PTN: variants seen among roughly 807,000 people sequenced by gnomAD.
PTN encodes the protein pleiotrophin, also known as heparin affin regulatory protein.
In PTN, 18 loss-of-function variants were observed where a neutral mutation model predicts 24.1. That is an observed-to-expected ratio of 0.75 (90% CI 0.52 to 1.11). The LOEUF is 1.11. PTN is among the 50% of genes least tolerant of loss of function. The probability of loss-of-function intolerance (pLI) is 0.00; values close to 1 mark genes in which losing one functional copy is unlikely to be tolerated. For missense variants in PTN, 163 were observed against 198.8 expected (o/e 0.82, Z 1.08); for synonymous variants, 78 against 68.6 (o/e 1.14, Z -0.67).
intron 1 of PTN, among the ~76,000 whole-genome samples, chr7:137,262,964 T>C (rs1809069062): frequency 6.6e-6 from 1 of 152,122 alleles, no homozygotes; most frequent in Admixed American, 6.5e-5. Flanking sequence ...TTTCTGAGTA[T>C]AAAACAACAT....
chr7:137,240,504 C>T (rs766012620), intron 4 of PTN, among the ~76,000 whole-genome samples: 5 of 152,048 alleles, frequency 3.3e-5, no homozygotes, highest in African/African-American at 9.7e-5. Context: ...AGCACTTGCT[C>T]GCTAAAATAT....
chr7:137,276,460 CCGGTT>C (rs1172133105), intron 1 of PTN, among the ~76,000 whole-genome samples: 4 of 152,138 alleles, frequency 2.6e-5, no homozygotes, highest in Non-Finnish European at 5.9e-5. Context: ...CTTGGAAATT[CCGGTT>C]ACCCCTGGAT....
intron 1 of PTN, among the ~76,000 whole-genome samples, chr7:137,302,635 G>T (rs938301843): frequency 6.6e-6 from 1 of 151,988 alleles, no homozygotes; most frequent in Non-Finnish European, 1.5e-5. Context: ...AGGAATGTCA[G>T]AAGTTGTCCA....
At chr7:137,322,932 T>C (rs1430509034) in intron 1 of PTN, among the ~76,000 whole-genome samples, 1 of 152,242 alleles carries the variant, frequency 6.6e-6, no homozygotes, top group East Asian at 1.9e-4. Flanking sequence ...TTTATAGCTA[T>C]TAATTTGCCT....
rs148600725 is a variant in PTN at position 137,310,253 on chromosome 7, T to C, written c.-2+33186A>G. On this transcript the variant is annotated intron_variant, in intron 1 of 4. Coordinates refer to ENST00000348225, the MANE Select transcript of PTN (RefSeq NM_002825.7). ...GTTTAAAATATTCGGTAAACCACGCTGTAAACAGATGTGCCATCATCCAGG... is the reference window on the plus strand; with the variant it reads ...GTTTAAAATATTCGGTAAACCACGCCGTAAACAGATGTGCCATCATCCAGG... Among the ~76,000 whole-genome samples the C allele has an allele frequency of 7.9e-5, 12 of 152,278 alleles. 1 individual carries two copies. In the East Asian group the frequency reaches 2.3e-3, roughly 29 times the overall value.
chr7:137,232,270 G>C (rs377394689), intron 4 of PTN, among the ~76,000 whole-genome samples: 2 of 151,990 alleles, frequency 1.3e-5, no homozygotes, highest in Admixed American at 6.6e-5. Flanking sequence ...GACTTGTTCT[G>C]TTCCTACCAG....
chr7:137,275,882 G>C (rs1357422517), intron 1 of PTN, among the ~76,000 whole-genome samples: 3 of 152,144 alleles, frequency 2.0e-5, no homozygotes, highest in Non-Finnish European at 4.4e-5. Context: ...ACTCAGTATA[G>C]CTTTATTAGC....
At chr7:137,261,416 C>T (rs978768946) in intron 1 of PTN, among the ~76,000 whole-genome samples, 1 of 151,956 alleles carries the variant, frequency 6.6e-6, no homozygotes, top group South Asian at 2.1e-4. Context: ...AATATTAAAC[C>T]CACCAATTAT....
At chr7:137,317,814 T>C (rs1264768039) in intron 1 of PTN, among the ~76,000 whole-genome samples, 1 of 152,138 alleles carries the variant, frequency 6.6e-6, no homozygotes. Flanking sequence ...TTTATAGTCT[T>C]TGCAGGAAGA....
intron 1 of PTN, among the ~76,000 whole-genome samples, chr7:137,321,252 C>T (rs768017938): frequency 2.6e-5 from 4 of 152,144 alleles, no homozygotes; most frequent in Admixed American, 1.3e-4. Flanking sequence ...AACTGGCTTA[C>T]GGGAAGGCAC....
chr7:137,265,070 T>C (rs980069851), intron 1 of PTN, among the ~76,000 whole-genome samples: 1 of 151,914 alleles, frequency 6.6e-6, no homozygotes, highest in Non-Finnish European at 1.5e-5. Context: ...TTTTAACTCA[T>C]GAAAAGCTTG....
intron 1 of PTN, among the ~76,000 whole-genome samples, chr7:137,300,841 C>T (rs1223166356): frequency 6.6e-6 from 1 of 151,914 alleles, no homozygotes; most frequent in Non-Finnish European, 1.5e-5. Context: ...TATTACCTTG[C>T]CCAGCTGAAG....
intron 1 of PTN, among the ~76,000 whole-genome samples, chr7:137,323,082 G>C (rs1810191518): frequency 6.6e-6 from 1 of 152,082 alleles, no homozygotes; most frequent in African/African-American, 2.4e-5. Flanking sequence ...CTCATTTCTT[G>C]CCTGCACTTT....
chr7:137,283,552 C>T (rs1219834409), intron 1 of PTN, among the ~76,000 whole-genome samples: 2 of 152,072 alleles, frequency 1.3e-5, no homozygotes, highest in Non-Finnish European at 2.9e-5. Context: ...CATTAGAGAC[C>T]TAGTGACATC....
intron 1 of PTN, among the ~76,000 whole-genome samples, chr7:137,309,529 C>G (rs1405163763): frequency 6.6e-6 from 1 of 152,066 alleles, no homozygotes; most frequent in Non-Finnish European, 1.5e-5. Context: ...AACATTTTAC[C>G]CACAGGAGAA....
intron 4 of PTN, among the ~76,000 whole-genome samples, chr7:137,241,752 A>AAAAGAAAT (rs1808631916): frequency 1.3e-5 from 2 of 152,308 alleles, no homozygotes; most frequent in African/African-American, 4.8e-5. Context: ...AGCAGAATAA[A>AAAAGAAAT]AAAGAAATAA....
chr7:137,267,439 C>A (rs184467761), intron 1 of PTN, among the ~76,000 whole-genome samples: 2 of 152,084 alleles, frequency 1.3e-5, no homozygotes, highest in Admixed American at 6.6e-5. Context: ...TGTCTATGTA[C>A]GGAAACTGGT....
At position 137,337,655 on chromosome 7, in the gene PTN, A is replaced by C. The variant is rs115046689; in HGVS notation, c.-2+5784T>G. On this transcript the variant is annotated intron_variant, in intron 1 of 4. Coordinates refer to ENST00000348225, the MANE Select transcript of PTN (RefSeq NM_002825.7). ...CAACTATGAAAAGTTTAAAATTATC[A>C]AGGTGAAATATGATTAGGAAGACAC... Among the ~76,000 whole-genome samples the C allele has an allele frequency of 6.3e-3, 960 of 152,318 alleles. 9 individuals are homozygous for C. Among genetic ancestry groups the C allele is most frequent in the African/African-American group, 0.022 (923 of 41,566 alleles).
chr7:137,233,774 T>C (rs1808469546), intron 4 of PTN, among the ~76,000 whole-genome samples: 1 of 151,766 alleles, frequency 6.6e-6, no homozygotes, highest in Non-Finnish European at 1.5e-5. Context: ...CTACAGTAGA[T>C]TTACCCTGAA....
Sources: gnomAD v4.1 joint callset for allele counts (sites outside exome capture counted in the v4.1 genomes callset) on GRCh38, gnomAD v4.1.1 for gene constraint, MANE v1.5 for transcripts, NCBI Gene and HGNC (gene_info 2026-07-23, HGNC 2026-07-21) for gene names.